The following ADAMTSL3 variants were observed in gnomAD, a reference collection of about 807,000 sequenced individuals.
ADAMTSL3 encodes the protein ADAMTS-like protein 3.
Under a neutral mutation model 201.7 loss-of-function variants are expected in ADAMTSL3, and 128 were observed. The observed-to-expected ratio is 0.63, with a 90% CI of 0.55 to 0.73. ADAMTSL3 has a LOEUF of 0.73. Ranked by LOEUF, ADAMTSL3 falls within the 30% of genes least tolerant of loss-of-function variation. The pLI, the probability that ADAMTSL3 is intolerant of heterozygous loss-of-function variation, is 0.00. For synonymous variants in ADAMTSL3, 738 were observed against 748.4 expected, an observed-to-expected ratio of 0.99 and a Z score of 0.23; for missense variants, 1,990 against 2,119.6, an observed-to-expected ratio of 0.94 and a Z score of 1.20.
rs557256568 is a variant in ADAMTSL3 at position 83,785,664 on chromosome 15, A to C, written c.317+12014A>C. On this transcript the variant is annotated intron_variant, in intron 4 of 29. Coordinates refer to ENST00000286744, the MANE Select transcript of ADAMTSL3 (RefSeq NM_207517.3). ...ACAGATTTAGATCCTTCTCTATGGT[A>C]GGAAGATTTTTCTTCTATTATATTA... 6.6e-5 allele frequency among the ~76,000 whole-genome samples: 10 copies of C among 152,266 alleles called. No individual in the cohort carries two copies. The East Asian group carries it at 1.7e-3, about 26-fold the overall frequency.
rs945875342 is a variant in ADAMTSL3 at position 83,881,240 on chromosome 15, G to A, written c.961-3861G>A. ...GGCTTTATTCCCTTTGAAGGTTGTC[G>A]TGTTTCCAGTTTACTTTATTCCTAT... is the stretch of plus-strand genomic sequence containing the variant. On this transcript the variant is annotated intron_variant, in intron 9 of 29. Coordinates refer to ENST00000286744, the MANE Select transcript of ADAMTSL3 (RefSeq NM_207517.3). 5.9e-5 allele frequency among the ~76,000 whole-genome samples: 9 copies of A among 152,200 alleles called. 1 individual carries two copies. Among genetic ancestry groups the A allele is most frequent in the Admixed American group, 3.9e-4 (6 of 15,268 alleles).
intron 19 of ADAMTSL3, among the ~76,000 whole-genome samples, chr15:83,965,967 T>A (rs1434606374): frequency 2.0e-5 from 3 of 152,034 alleles, no homozygotes; most frequent in African/African-American, 7.2e-5. Flanking sequence ...CAGAAATAAA[T>A]ACGTTATTTG....
intron 9 of ADAMTSL3, among the ~76,000 whole-genome samples, chr15:83,872,306 T>C (rs1299824554): frequency 1.3e-5 from 2 of 152,122 alleles, no homozygotes; most frequent in African/African-American, 4.8e-5. Flanking sequence ...CCACTGTGTA[T>C]TGTGTCCCTA....
intron 7 of ADAMTSL3, among the ~76,000 whole-genome samples, chr15:83,846,521 G>A (rs544548076): frequency 1.3e-5 from 2 of 152,340 alleles, no homozygotes; most frequent in South Asian, 2.1e-4. Flanking sequence ...GAGTCAGAGG[G>A]GAGCAAAGGC....
intron 2 of ADAMTSL3, among the ~76,000 whole-genome samples, chr15:83,668,798 T>C (rs2061284294): frequency 6.6e-6 from 1 of 152,238 alleles, no homozygotes; most frequent in African/African-American, 2.4e-5. Flanking sequence ...GAACATTCTG[T>C]TCTGATGGGT....
At chr15:83,720,209 ACT>A (rs963516847) in intron 3 of ADAMTSL3, among the ~76,000 whole-genome samples, 5 of 152,072 alleles carry the variant, frequency 3.3e-5, no homozygotes, top group African/African-American at 1.2e-4. Context: ...TCAGAGAGAG[ACT>A]CTGTCTCATT....
intron 20 of ADAMTSL3, among the ~76,000 whole-genome samples, chr15:83,975,160 C>G (rs1297170390): frequency 3.3e-5 from 5 of 152,136 alleles, no homozygotes; most frequent in Non-Finnish European, 1.5e-5. Flanking sequence ...TGCTACCATG[C>G]CCGGCTAATT....
chr15:84,022,215 A>G (rs990010734), intron 26 of ADAMTSL3, among the ~76,000 whole-genome samples: 1 of 151,984 alleles, frequency 6.6e-6, no homozygotes, highest in Non-Finnish European at 1.5e-5. Flanking sequence ...TGTTACCACT[A>G]AAGTCCAAGC....
At chr15:83,806,928 AG>A (rs1305094502) in intron 5 of ADAMTSL3, among the ~76,000 whole-genome samples, 1 of 152,240 alleles carries the variant, frequency 6.6e-6, no homozygotes, top group African/African-American at 2.4e-5. Flanking sequence ...ACACCTTCAA[AG>A]GAATATAATT....
chr15:83,700,227 A>G (rs369402423), intron 2 of ADAMTSL3, among the ~76,000 whole-genome samples: 1 of 152,328 alleles, frequency 6.6e-6, no homozygotes, highest in Non-Finnish European at 1.5e-5. Flanking sequence ...GGATCTGTCC[A>G]GGTATTGGCA....
intron 4 of ADAMTSL3, among the ~76,000 whole-genome samples, chr15:83,778,469 A>G (rs1035853503): frequency 6.6e-6 from 1 of 152,212 alleles, no homozygotes; most frequent in Admixed American, 6.5e-5. Context: ...CCAGTATTCA[A>G]CATTCTTAAA....
intron 19 of ADAMTSL3, among the ~76,000 whole-genome samples, chr15:83,948,505 A>G (rs2066699602): frequency 6.6e-6 from 1 of 152,056 alleles, no homozygotes; most frequent in South Asian, 2.1e-4. Context: ...AGTGCCCTCA[A>G]GAAGCTCCCA....
intron 6 of ADAMTSL3, among the ~76,000 whole-genome samples, chr15:83,821,782 C>G (rs937266332): frequency 6.6e-5 from 10 of 151,968 alleles, no homozygotes; most frequent in African/African-American, 2.4e-4. Flanking sequence ...GGGGTGGTGG[C>G]CGGGCAGAGG....
chr15:83,949,717 A>G lies in ADAMTSL3; in HGVS notation c.2490+6635A>G, dbSNP rs374448036. On this transcript the variant is annotated intron_variant, in intron 19 of 29. Coordinates refer to ENST00000286744, the MANE Select transcript of ADAMTSL3 (RefSeq NM_207517.3). ...TAACAGCCATTTTAACTGGAGTGAG[A>G]TGGTATCTCATTGTAGTTCTGATTC... Among the ~76,000 whole-genome samples, 26 of 152,112 alleles carry G rather than the reference A, an allele frequency of 1.7e-4. No individual in the cohort carries two copies. The East Asian group carries it at 2.5e-3, about 15-fold the overall frequency.
At chr15:83,766,058 A>G (rs1192934615) in intron 3 of ADAMTSL3, among the ~76,000 whole-genome samples, 1 of 147,810 alleles carries the variant, frequency 6.8e-6, no homozygotes, top group African/African-American at 2.4e-5. Flanking sequence ...AGAAGGTGAT[A>G]GGGATACATG....
At chr15:83,689,014 A>T (rs538450746) in intron 2 of ADAMTSL3, among the ~76,000 whole-genome samples, 1 of 151,990 alleles carries the variant, frequency 6.6e-6, no homozygotes, top group South Asian at 2.1e-4. Context: ...GTAGAGACGG[A>T]GTTTCACCAT....
intron 25 of ADAMTSL3, among the ~76,000 whole-genome samples, chr15:84,020,662 T>C (rs547491630): frequency 6.6e-6 from 1 of 152,282 alleles, no homozygotes; most frequent in African/African-American, 2.4e-5. Context: ...TACAGGAAAA[T>C]CTGGCACCTT....
Position 84,008,917 on chromosome 15 carries a change from C to T in ADAMTSL3, c.3974-5625C>T, listed in dbSNP as rs144666794. Reference sequence around the variant, plus strand: ...ACAAATCCTGGAGTCGGTTTTTACTCGCTTTCCTCTCTCACACTACCCCAC... The same window carrying T: ...ACAAATCCTGGAGTCGGTTTTTACTTGCTTTCCTCTCTCACACTACCCCAC... On this transcript the variant is annotated intron_variant, in intron 23 of 29. Coordinates refer to ENST00000286744, the MANE Select transcript of ADAMTSL3 (RefSeq NM_207517.3). Among the ~76,000 whole-genome samples, 143 of 152,206 alleles carry T rather than the reference C, an allele frequency of 9.4e-4. 1 individual carries two copies. The highest frequency in any genetic ancestry group is 3.4e-3 in the Middle Eastern group (1 of 294).
chr15:83,969,469 T>C (rs775310494), intron 19 of ADAMTSL3, among the ~76,000 whole-genome samples: 6 of 151,976 alleles, frequency 3.9e-5, no homozygotes, highest in African/African-American at 1.2e-4. Flanking sequence ...AAACAAACAA[T>C]GGACATGCCC....
Sources: allele counts gnomAD v4.1 joint callset (sites outside exome capture counted in the v4.1 genomes callset), GRCh38; gene constraint gnomAD v4.1.1; transcripts MANE v1.5; gene names NCBI Gene and HGNC (gene_info 2026-07-23, HGNC 2026-07-21).